HTR1E: variants seen among roughly 807,000 people sequenced by gnomAD.
The protein encoded by HTR1E is 5-hydroxytryptamine receptor 1E, also known as 5-HT-1E.
HTR1E carries 3 observed loss-of-function variants against 3.4 expected under a neutral mutation model. The observed-to-expected ratio is 0.89, with a 90% CI of 0.41 to 2.31. HTR1E has a LOEUF of 2.31. HTR1E is among the 30% of genes most tolerant of loss of function. HTR1E has a pLI of 0.05. For synonymous variants in HTR1E, 170 were observed against 182.8 expected (o/e 0.93, Z 0.56); for missense variants, 392 against 467.0 (o/e 0.84, Z 1.48).
chr6:87,007,428 G>T (rs960098335), intron 1 of HTR1E, among the ~76,000 whole-genome samples: 8 of 152,228 alleles, frequency 5.3e-5, no homozygotes, highest in African/African-American at 1.9e-4. Flanking sequence ...ACAACAGGGT[G>T]ACTATAGTCA....
intron 1 of HTR1E, among the ~76,000 whole-genome samples, chr6:86,995,665 CAAAAAAAAAAAAAAAAAAAAAAGA>C (rs1299789551): frequency 8.2e-5 from 3 of 36,688 alleles, no homozygotes; most frequent in East Asian, 6.6e-4. Flanking sequence ...GACTCCATCT[CAAAAAAAAAAAAAAAAAAAAAAGA>C]AAAAAAAAAA....
At chr6:86,995,785 G>T (rs1429994125) in intron 1 of HTR1E, among the ~76,000 whole-genome samples, 1 of 145,994 alleles carries the variant, frequency 6.8e-6, no homozygotes, top group Non-Finnish European at 1.5e-5. Context: ...AGTAGAAAAA[G>T]ATATGCCATG....
chr6:86,947,558 C>T (rs2127816808), intron 1 of HTR1E, among the ~76,000 whole-genome samples: 1 of 152,106 alleles, frequency 6.6e-6, no homozygotes, highest in East Asian at 1.9e-4. Context: ...CTTATTGCCA[C>T]CACCAAGAGG....
intron 1 of HTR1E, among the ~76,000 whole-genome samples, chr6:86,941,999 A>T (rs1239963006): frequency 6.6e-6 from 1 of 152,216 alleles, no homozygotes; most frequent in Non-Finnish European, 1.5e-5. Context: ...ATACATAAAA[A>T]TGCCATTAGA....
intron 1 of HTR1E, among the ~76,000 whole-genome samples, chr6:86,987,246 TC>T: frequency 6.6e-6 from 1 of 152,250 alleles, no homozygotes; most frequent in Non-Finnish European, 1.5e-5. Context: ...GGCTTAGTTG[TC>T]ATTCCCAGTC....
intron 1 of HTR1E, among the ~76,000 whole-genome samples, chr6:87,005,662 T>G (rs1768092298): frequency 6.6e-6 from 1 of 152,132 alleles, no homozygotes; most frequent in African/African-American, 2.4e-5. Context: ...GGGGAAACTC[T>G]CCAAGACATT....
At chr6:86,962,185 T>C (rs1354642515) in intron 1 of HTR1E, among the ~76,000 whole-genome samples, 2 of 152,324 alleles carry the variant, frequency 1.3e-5, no homozygotes, top group Admixed American at 1.3e-4. Flanking sequence ...GAACAGTTTA[T>C]AAAATGTGGT....
At chr6:86,948,684 G>A (rs183656839) in intron 1 of HTR1E, among the ~76,000 whole-genome samples, 4 of 152,262 alleles carry the variant, frequency 2.6e-5, no homozygotes, top group Middle Eastern at 3.4e-3. Flanking sequence ...ATGCACCCTT[G>A]GCTCCAAGAG....
chr6:86,983,100 A>G (rs1365230732), intron 1 of HTR1E, among the ~76,000 whole-genome samples: 1 of 152,226 alleles, frequency 6.6e-6, no homozygotes, highest in Admixed American at 6.5e-5. Context: ...GATTATCTTA[A>G]GCTATTAATA....
chr6:86,970,881 G>A, intron 1 of HTR1E: 1 of 277,346 alleles, frequency 3.6e-6, no homozygotes, highest in Non-Finnish European at 7.0e-6. Flanking sequence ...ATTGCATCAG[G>A]GTACCCAAAC....
chr6:87,012,007 A>T (rs950591124), intron 1 of HTR1E, among the ~76,000 whole-genome samples: 3 of 152,162 alleles, frequency 2.0e-5, no homozygotes, highest in African/African-American at 7.2e-5. Flanking sequence ...ATAATATTTT[A>T]AAAAGGGATA....
intron 1 of HTR1E, among the ~76,000 whole-genome samples, chr6:86,983,777 C>A (rs1034368523): frequency 2.1e-4 from 32 of 152,096 alleles, no homozygotes; most frequent in African/African-American, 7.7e-4. Context: ...ACATGTACCC[C>A]ATAAATATGT....
At chr6:86,994,735 T>A (rs1320210957) in intron 1 of HTR1E, among the ~76,000 whole-genome samples, 1 of 152,070 alleles carries the variant, frequency 6.6e-6, no homozygotes, top group Non-Finnish European at 1.5e-5. Flanking sequence ...CATTTTCCTC[T>A]TGTTTTCTAA....
chr6:86,999,423 G>A (rs537917243), intron 1 of HTR1E, among the ~76,000 whole-genome samples: 1 of 152,134 alleles, frequency 6.6e-6, no homozygotes, highest in East Asian at 1.9e-4. Context: ...ATAAAACAAG[G>A]CTTTTAATCC....
chr6:86,998,479 G>A (rs942506784), intron 1 of HTR1E, among the ~76,000 whole-genome samples: 55 of 152,178 alleles, frequency 3.6e-4, no homozygotes, highest in African/African-American at 1.3e-3. Context: ...CCTAAATATT[G>A]TGTAAGTCAA....
intron 1 of HTR1E, among the ~76,000 whole-genome samples, chr6:87,005,480 C>T (rs1768088893): frequency 6.6e-6 from 1 of 152,134 alleles, no homozygotes; most frequent in Non-Finnish European, 1.5e-5. Context: ...TGAGAACATA[C>T]ATGAGGAAAG....
intron 1 of HTR1E, among the ~76,000 whole-genome samples, chr6:86,944,332 AG>A (rs1768585740): frequency 6.6e-6 from 1 of 152,214 alleles, no homozygotes. Context: ...AATCATTGAG[AG>A]CCACCTGAGA....
intron 1 of HTR1E, among the ~76,000 whole-genome samples, chr6:86,973,505 T>C (rs1767590129): frequency 6.6e-6 from 1 of 152,098 alleles, no homozygotes; most frequent in Non-Finnish European, 1.5e-5. Context: ...CTAAAAGAGA[T>C]AGAGCACTGT....
chr6:86,951,266 C>T (rs1468731352), intron 1 of HTR1E, among the ~76,000 whole-genome samples: 7 of 152,144 alleles, frequency 4.6e-5, no homozygotes, highest in Non-Finnish European at 1.0e-4. Context: ...ATTATCTTGT[C>T]TACACTGATC....
Sources: gnomAD v4.1 joint callset for allele counts (sites outside exome capture counted in the v4.1 genomes callset) on GRCh38, gnomAD v4.1.1 for gene constraint, MANE v1.5 for transcripts, NCBI Gene and HGNC (gene_info 2026-07-23, HGNC 2026-07-21) for gene names.